The following NEBL variants were observed in gnomAD, a reference collection of about 807,000 sequenced individuals.
NEBL encodes nebulette, also known as LIM and SH3 protein 2.
NEBL carries 122 observed loss-of-function variants against 140.2 expected under a neutral mutation model. The ratio of observed to expected loss-of-function variants is 0.87; its 90% confidence interval spans 0.75 to 1.01. The LOEUF (loss-of-function observed/expected upper bound fraction) is 1.01, where lower values mean the gene tolerates loss of function less well. Among genes scored for constraint, NEBL ranks in the 50% least tolerant of loss-of-function variants. The pLI, the probability that NEBL is intolerant of heterozygous loss-of-function variation, is 0.00. For missense variants in NEBL, 1,365 were observed against 1,231.3 expected (o/e 1.11, Z -1.62); for synonymous variants, 436 against 398.9 (o/e 1.09, Z -1.11).
exon 1 of NEBL, chr10:21,174,150 T>C (rs566486170): frequency 1.6e-5 from 9 of 552,810 alleles, no homozygotes; most frequent in Non-Finnish European, 2.1e-5. Flanking sequence ...CCCCTCGCGC[T>C]CACTCGCTCC....
At chr10:21,050,651 G>A (rs940287260) in intron 2 of NEBL, among the ~76,000 whole-genome samples, 2 of 152,152 alleles carry the variant, frequency 1.3e-5, no homozygotes, top group African/African-American at 4.8e-5. Context: ...TAGATTCCAA[G>A]GGCTTTTGAA....
At chr10:21,189,655 AC>A (rs1841540619) in intron 3 of NEBL, among the ~76,000 whole-genome samples, 1 of 140,796 alleles carries the variant, frequency 7.1e-6, no homozygotes, top group South Asian at 2.2e-4. Flanking sequence ...TTCAGTAGAG[AC>A]GGGGGTCTCA....
intron 4 of NEBL, among the ~76,000 whole-genome samples, chr10:20,946,194 G>C (rs910865289): frequency 6.6e-6 from 1 of 152,182 alleles, no homozygotes; most frequent in Non-Finnish European, 1.5e-5. Flanking sequence ...CTCATAGGCT[G>C]TATGAGCAAG....
At position 20,831,784 on chromosome 10, in the gene NEBL, AT is replaced by A. The variant is rs1394894523; in HGVS notation, c.1450-202del. On this transcript the variant is annotated intron_variant, in intron 14 of 27. Coordinates refer to ENST00000377122, the MANE Select transcript of NEBL (RefSeq NM_006393.3). ...AACTTATTCACCAGTAATCAGAACAATTTTTTTCAGCTAATCTGAATTAAGA... is the reference window on the plus strand; with the variant it reads ...AACTTATTCACCAGTAATCAGAACAATTTTTTCAGCTAATCTGAATTAAGA... Among the ~76,000 whole-genome samples the A allele has an allele frequency of 2.6e-5, 4 of 152,092 alleles. No homozygotes were observed. The East Asian group carries it at 7.7e-4, about 29-fold the overall frequency.
chr10:20,798,108 TA>T (rs1389843618), intron 26 of NEBL, among the ~76,000 whole-genome samples: 15 of 87,762 alleles, frequency 1.7e-4, no homozygotes, highest in African/African-American at 6.2e-4. Flanking sequence ...TGTTTCTAAT[TA>T]CAAAAAAAAA....
At chr10:21,188,148 G>A (rs1377044079) in intron 3 of NEBL, among the ~76,000 whole-genome samples, 1 of 152,148 alleles carries the variant, frequency 6.6e-6, no homozygotes, top group African/African-American at 2.4e-5. Context: ...TAATTTTGGG[G>A]TCAGTGGTTT....
Position 21,113,777 on chromosome 10 carries a change from A to G in NEBL, c.164+58606T>C, listed in dbSNP as rs963248234. On this transcript the variant is annotated intron_variant, in intron 2 of 6. Coordinates refer to the NEBL transcript ENST00000417816. ...ATGTACTGCATACATAGTAGTACCA[A>G]TGGTCAGACATGGAAATAGTGGGAA... 4.6e-5 allele frequency among the ~76,000 whole-genome samples: 7 copies of G among 152,128 alleles called. 1 individual carries two copies. The highest frequency in any genetic ancestry group is 1.7e-4 in the African/African-American group (7 of 41,450).
intron 2 of NEBL, among the ~76,000 whole-genome samples, chr10:21,035,677 G>A (rs1833986865): frequency 6.6e-6 from 1 of 152,106 alleles, no homozygotes; most frequent in Non-Finnish European, 1.5e-5. Context: ...AAGAAAAGAA[G>A]AACTTTGTGG....
intron 1 of NEBL, among the ~76,000 whole-genome samples, chr10:21,290,514 A>G (rs1843127738): frequency 6.6e-6 from 1 of 152,252 alleles, no homozygotes; most frequent in Non-Finnish European, 1.5e-5. Flanking sequence ...GCCCCTTCCT[A>G]GGAATCTTAT....
intron 5 of NEBL, among the ~76,000 whole-genome samples, chr10:20,876,287 G>A (rs1845495230): frequency 6.6e-6 from 1 of 152,068 alleles, no homozygotes; most frequent in South Asian, 2.1e-4. Context: ...GATAAAAGTT[G>A]TCTTATTTTC....
chr10:20,852,524 A>C, intron 10 of NEBL, 21 bp downstream of exon 10: 53 of 1,523,608 alleles, frequency 3.5e-5, no homozygotes, highest in Non-Finnish European at 4.5e-5. Context: ...GAGGGTAGGT[A>C]CCGTACGGGC....
At chr10:21,169,067 A>AAAAAAAAAAT (rs1554830679) in intron 2 of NEBL, among the ~76,000 whole-genome samples, 2 of 23,078 alleles carry the variant, frequency 8.7e-5, no homozygotes, top group African/African-American at 2.6e-4. Context: ...AAAAAAAAAA[A>AAAAAAAAAAT]ATATATATAT....
chr10:20,929,908 T>C (rs1457451806), intron 4 of NEBL, among the ~76,000 whole-genome samples: 1 of 152,168 alleles, frequency 6.6e-6, no homozygotes, highest in Non-Finnish European at 1.5e-5. Context: ...CTGTACCTTC[T>C]AAGTCTATAA....
chr10:21,030,497 C>A, intron 2 of NEBL: 1 of 803,718 alleles, frequency 1.2e-6, no homozygotes, highest in East Asian at 3.4e-5. Context: ...GCCAGCCCCT[C>A]CACCAAAGGA....
At position 20,806,472 on chromosome 10, in the gene NEBL, G is replaced by A. The variant is rs767620334; in HGVS notation, c.2761+2038C>T. ...TTTTCTCCCAAAGCCCCACAGCCTC[G>A]TTAACGTCCATCAGCATTCACATCT... On this transcript the variant is annotated intron_variant, in intron 26 of 27. Coordinates refer to ENST00000377122, the MANE Select transcript of NEBL (RefSeq NM_006393.3). Among the ~76,000 whole-genome samples, 26 of 152,248 alleles carry A rather than the reference G, an allele frequency of 1.7e-4. 1 individual carries two copies. Among genetic ancestry groups the A allele is most frequent in the Admixed American group, 1.6e-3 (25 of 15,284 alleles).
chr10:21,259,018 G>C (rs1437945644), intron 1 of NEBL, among the ~76,000 whole-genome samples: 1 of 151,896 alleles, frequency 6.6e-6, no homozygotes, highest in Non-Finnish European at 1.5e-5. Context: ...AGGCTGAGAT[G>C]ATAAGTAGTT....
intron 4 of NEBL, among the ~76,000 whole-genome samples, chr10:20,883,265 G>A (rs1846186125): frequency 6.6e-6 from 1 of 152,118 alleles, no homozygotes; most frequent in Non-Finnish European, 1.5e-5. Context: ...GTCTTATTCA[G>A]TCCTGCCCAG....
At chr10:21,263,756 GGAGTT>G (rs1162278028) in intron 1 of NEBL, among the ~76,000 whole-genome samples, 2 of 152,174 alleles carry the variant, frequency 1.3e-5, no homozygotes, top group Non-Finnish European at 2.9e-5. Context: ...CCTGAGGTCA[GGAGTT>G]CAAGACCAGC....
chr10:21,216,418 G>T (rs961101721), intron 3 of NEBL, among the ~76,000 whole-genome samples: 1 of 152,168 alleles, frequency 6.6e-6, no homozygotes, highest in African/African-American at 2.4e-5. Context: ...CACTTTGGGA[G>T]GCCCAGGCGG....
Sources: allele counts gnomAD v4.1 joint callset (sites outside exome capture counted in the v4.1 genomes callset), GRCh38; gene constraint gnomAD v4.1.1; transcripts MANE v1.5; gene names NCBI Gene and HGNC (gene_info 2026-07-23, HGNC 2026-07-21).